The following TRPC4 variants were observed in gnomAD, a reference collection of about 807,000 sequenced individuals.
The protein encoded by TRPC4 is transient receptor potential cation channel subfamily C member 4.
TRPC4 carries 49 observed loss-of-function variants against 99.4 expected under a neutral mutation model. The observed-to-expected ratio is 0.49, with a 90% CI of 0.39 to 0.63. The LOEUF (loss-of-function observed/expected upper bound fraction) is 0.63. Ranked by LOEUF, TRPC4 falls within the 20% of genes least tolerant of loss-of-function variation. The probability of loss-of-function intolerance (pLI) is 0.00; values close to 1 mark genes in which losing one functional copy is unlikely to be tolerated. For missense variants in TRPC4, 898 were observed against 1,152.9 expected, an observed-to-expected ratio of 0.78 and a Z score of 3.20; for synonymous variants, 454 against 425.9, an observed-to-expected ratio of 1.07 and a Z score of -0.81.
chr13:37,703,376 T>A (rs1210100884), intron 3 of TRPC4, among the ~76,000 whole-genome samples: 1 of 152,110 alleles, frequency 6.6e-6, no homozygotes, highest in Non-Finnish European at 1.5e-5. Context: ...CTCTTCTCCA[T>A]CCATTCATAG....
intron 1 of TRPC4, among the ~76,000 whole-genome samples, chr13:37,817,875 A>G (rs1316877453): frequency 6.6e-6 from 1 of 152,068 alleles, no homozygotes; most frequent in Non-Finnish European, 1.5e-5. Context: ...CACCATATAG[A>G]AAAATCAACT....
chr13:37,689,649 C>T (rs1953615400), intron 4 of TRPC4, among the ~76,000 whole-genome samples: 1 of 152,098 alleles, frequency 6.6e-6, no homozygotes, highest in Non-Finnish European at 1.5e-5. Flanking sequence ...AAATCTATAC[C>T]TCATGTAATC....
At chr13:37,807,928 G>T (rs772382601) in intron 1 of TRPC4, among the ~76,000 whole-genome samples, 2 of 152,052 alleles carry the variant, frequency 1.3e-5, no homozygotes, top group African/African-American at 4.8e-5. Flanking sequence ...TCAAAAGCAG[G>T]TTCTGACACC....
At chr13:37,680,390 C>T (rs1953197254) in intron 4 of TRPC4, among the ~76,000 whole-genome samples, 1 of 152,208 alleles carries the variant, frequency 6.6e-6, no homozygotes, top group African/African-American at 2.4e-5. Context: ...GAGCAATCAG[C>T]TTTAGAATCT....
At chr13:37,647,072 T>C (rs1263804920) in intron 8 of TRPC4, among the ~76,000 whole-genome samples, 4 of 152,182 alleles carry the variant, frequency 2.6e-5, no homozygotes, top group Non-Finnish European at 5.9e-5. Flanking sequence ...TCAGAGCTAG[T>C]TGTATCAGTA....
At position 37,637,332 on chromosome 13, in the gene TRPC4, T is replaced by G; in HGVS notation, c.2505A>C (p.Lys835Asn). 1.2e-6 allele frequency: 2 copies of G among 1,613,850 alleles called. No homozygotes were observed. Among genetic ancestry groups the G allele is most frequent in the African/African-American group, 2.7e-5 (2 of 75,016 alleles). Residue 835 changes from lysine (K) to asparagine (N), a missense_variant, in exon 11 of 11, where the codon AAA becomes AAC. This residue lies in a region of TRPC4 where 346 missense variants were observed against 351.4 expected (regional missense o/e 0.98). Transcript: ENST00000379705. ...TTTTGATATCGGTCACAAAATTCACTTTTCTCTGCTTCTCCCTGGGCGGCT... is the reference window on the plus strand; with the variant it reads ...TTTTGATATCGGTCACAAAATTCACGTTTCTCTGCTTCTCCCTGGGCGGCT... ...VQEPPREKQR[K>N]VNFVTDIKNF...
At chr13:37,787,193 A>T (rs563951259) in intron 1 of TRPC4, among the ~76,000 whole-genome samples, 1 of 152,140 alleles carries the variant, frequency 6.6e-6, no homozygotes, top group East Asian at 1.9e-4. Context: ...ACTAAAGAGG[A>T]AATGAATTTC....
intron 3 of TRPC4, among the ~76,000 whole-genome samples, chr13:37,693,697 T>C (rs553847809): frequency 2.0e-5 from 3 of 152,308 alleles, no homozygotes; most frequent in South Asian, 4.1e-4. Flanking sequence ...ATCCAATAGT[T>C]GAGGTGTTCA....
At position 37,745,454 on chromosome 13, in the gene TRPC4, A is replaced by ATATATACG. The variant is rs1555265689; in HGVS notation, c.897+482_897+483insCGTATATA. Reference sequence around the variant, plus strand: ...TATATGCGTATATATATATATATATATATATATATATATATATATACACAC... The same window carrying ATATATACG: ...TATATGCGTATATATATATATATATATATATACGTATATATATATATATATATACACAC... On this transcript the variant is annotated intron_variant, in intron 3 of 10. Transcript: ENST00000379705. 3.5e-3 allele frequency among the ~76,000 whole-genome samples: 11 copies of ATATATACG among 3,118 alleles called. No homozygotes were observed. The East Asian group carries it at 0.042, about 12-fold the overall frequency. The allele number at this position is 3,118 out of a possible 152,430, so 2.0% of individuals were successfully genotyped here. A position where few individuals can be genotyped will look rare whatever the true frequency, so the allele number is the denominator to read the frequency against.
Position 37,674,223 on chromosome 13 carries a change from G to T in TRPC4, c.1374+5C>A. 1.1e-5 allele frequency: 18 copies of T among 1,580,068 alleles called. No individual in the cohort carries two copies. The highest frequency in any genetic ancestry group is 1.5e-5 in the Non-Finnish European group (17 of 1,165,488). ...TGCTTTACCAACAACATAAATAATA[G>T]TTACCTTTACAAATGCAACAATTTT... On this transcript the variant is annotated splice_donor_5th_base_variant and intron_variant, in intron 5 of 10. Transcript: ENST00000379705.
chr13:37,651,514 T>A, intron 7 of TRPC4, 55 bp from the exon 8 acceptor site: 1 of 1,505,582 alleles, frequency 6.6e-7, no homozygotes, highest in Admixed American at 1.7e-5. Flanking sequence ...CAAGGTACCA[T>A]AAATCTCACA....
chr13:37,645,966 G>A (rs1241198986), intron 8 of TRPC4, among the ~76,000 whole-genome samples: 2 of 152,174 alleles, frequency 1.3e-5, no homozygotes, highest in Non-Finnish European at 2.9e-5. Flanking sequence ...AGACACTCAC[G>A]GATGAAAACT....
chr13:37,860,379 G>A (rs969669087), intron 1 of TRPC4, among the ~76,000 whole-genome samples: 1 of 151,362 alleles, frequency 6.6e-6, no homozygotes, highest in African/African-American at 2.4e-5. Context: ...TAATGCCATA[G>A]AGAGAACAAT....
intron 1 of TRPC4, among the ~76,000 whole-genome samples, chr13:37,831,798 T>G (rs1382751036): frequency 6.6e-6 from 1 of 152,092 alleles, no homozygotes; most frequent in Non-Finnish European, 1.5e-5. Flanking sequence ...AGACAAATAC[T>G]TGCATGATCT....
chr13:37,855,579 A>G (rs1263231245), intron 1 of TRPC4, among the ~76,000 whole-genome samples: 1 of 151,828 alleles, frequency 6.6e-6, no homozygotes, highest in East Asian at 1.9e-4. Flanking sequence ...TGCAGAATAT[A>G]CATTCCTTGC....
intron 2 of TRPC4, among the ~76,000 whole-genome samples, chr13:37,780,536 C>T (rs1254320864): frequency 6.6e-6 from 1 of 152,032 alleles, no homozygotes; most frequent in Non-Finnish European, 1.5e-5. Flanking sequence ...TGAGGAATTA[C>T]ACCTTATGAG....
intron 4 of TRPC4, among the ~76,000 whole-genome samples, chr13:37,679,087 G>C (rs1953151800): frequency 6.6e-6 from 1 of 151,980 alleles, no homozygotes; most frequent in South Asian, 2.1e-4. Flanking sequence ...ATTTGATCAA[G>C]GGCATTTATA....
At chr13:37,785,653 CA>C (rs1956951405) in intron 1 of TRPC4, among the ~76,000 whole-genome samples, 1 of 151,950 alleles carries the variant, frequency 6.6e-6, no homozygotes, top group South Asian at 2.1e-4. Context: ...ATGATTCAAT[CA>C]AGGTTAAGAC....
chr13:37,719,162 C>G (rs950544758), intron 3 of TRPC4, among the ~76,000 whole-genome samples: 17 of 152,170 alleles, frequency 1.1e-4, no homozygotes, highest in Admixed American at 1.1e-3. Flanking sequence ...AAAAAACTGT[C>G]AATCCAGAAT....
Sources: allele counts gnomAD v4.1 joint callset (sites outside exome capture counted in the v4.1 genomes callset), GRCh38; gene constraint gnomAD v4.1.1; regional missense constraint gnomAD v4.1.1; transcripts MANE v1.5; gene names NCBI Gene and HGNC (gene_info 2026-07-23, HGNC 2026-07-21).